Variants in SLC66A2 observed in about 807,000 individuals in gnomAD.
SLC66A2 encodes the protein PQ loop repeat containing 1.
Under a neutral mutation model 25.5 loss-of-function variants are expected in SLC66A2, and 23 were observed. That is an observed-to-expected ratio of 0.90 (90% CI 0.65 to 1.28). The LOEUF (loss-of-function observed/expected upper bound fraction) is 1.28, where lower values mean the gene tolerates loss of function less well. Among genes scored for constraint, SLC66A2 ranks in the 50% most tolerant of loss-of-function variants. The probability of loss-of-function intolerance (pLI) is 0.00; values close to 1 mark genes in which losing one functional copy is unlikely to be tolerated. For synonymous variants in SLC66A2, 193 were observed against 166.5 expected, an observed-to-expected ratio of 1.16 and a Z score of -1.23; for missense variants, 396 against 373.1, an observed-to-expected ratio of 1.06 and a Z score of -0.51.
intron 2 of SLC66A2, 147 bp downstream of exon 2, chr18:79,950,577 G>A: frequency 4.3e-6 from 3 of 694,962 alleles, no homozygotes; most frequent in Non-Finnish European, 7.5e-6. Context: ...TGACTTGCCT[G>A]CAGCCACGTA....
Position 79,918,424 on chromosome 18 carries a change from G to C in SLC66A2, c.608+760C>G, listed in dbSNP as rs1984520361. Among the ~76,000 whole-genome samples, 1 of 148,830 alleles carries C rather than the reference G, an allele frequency of 6.7e-6. No individual in the cohort carries two copies. The highest frequency in any genetic ancestry group is 6.6e-5 in the Admixed American group (1 of 15,102). ...ATCCCCAGTGAGGAGCGGGCCCGGG[G>C]GGGGGTCCCCAGTGAGGAGCGGGCA... On this transcript the variant is annotated intron_variant, in intron 5 of 5. Transcript: ENST00000397778. This position sits in a 1 kb window ranked among gnomAD's most constrained non-coding sequence, Gnocchi z 4.0.
At chr18:79,908,283 GAGA>G (rs1206937250) in intron 5 of SLC66A2, among the ~76,000 whole-genome samples, 9 of 151,672 alleles carry the variant, frequency 5.9e-5, no homozygotes, top group Non-Finnish European at 8.8e-5. Context: ...CCTTTCATTC[GAGA>G]AGGTCTTTAT....
At position 79,918,422 on chromosome 18, in the gene SLC66A2, G is replaced by T. The variant is rs1169654144; in HGVS notation, c.608+762C>A. Among the ~76,000 whole-genome samples, 4 of 150,450 alleles carry T rather than the reference G, an allele frequency of 2.7e-5. No individual in the cohort carries two copies. Among genetic ancestry groups the T allele is most frequent in the Non-Finnish European group, 5.9e-5 (4 of 67,464 alleles). On this transcript the variant is annotated intron_variant, in intron 5 of 5. Coordinates refer to ENST00000397778, the MANE Select transcript of SLC66A2 (RefSeq NM_025078.5). The surrounding 1 kb of genome is among the most constrained non-coding windows in gnomAD (Gnocchi z 4.0). Reference sequence around the variant, plus strand: ...GGATCCCCAGTGAGGAGCGGGCCCGGGGGGGGGTCCCCAGTGAGGAGCGGG... The same window carrying T: ...GGATCCCCAGTGAGGAGCGGGCCCGTGGGGGGGTCCCCAGTGAGGAGCGGG...
chr18:79,925,929 G>C (rs1387445801), intron 4 of SLC66A2, among the ~76,000 whole-genome samples: 1 of 152,202 alleles, frequency 6.6e-6, no homozygotes, highest in African/African-American at 2.4e-5. Flanking sequence ...GGATGAGACA[G>C]GAGGTCGGCA....
At chr18:79,908,903 G>C (rs140045610) in intron 5 of SLC66A2, among the ~76,000 whole-genome samples, 1 of 152,226 alleles carries the variant, frequency 6.6e-6, no homozygotes, top group Admixed American at 6.5e-5. Context: ...TTCCAAGAAC[G>C]TTTGCTCTTA....
chr18:79,942,817 G>T (rs1408309132), intron 3 of SLC66A2, among the ~76,000 whole-genome samples: 1 of 152,254 alleles, frequency 6.6e-6, no homozygotes, highest in Non-Finnish European at 1.5e-5. Context: ...CTGCCCAGCT[G>T]TCAACACTGC....
At chr18:79,943,568 C>A in intron 2 of SLC66A2, 106 bp from the exon 3 acceptor site, 1 of 1,351,006 alleles carries the variant, frequency 7.4e-7, no homozygotes, top group Non-Finnish European at 1.0e-6. Context: ...CCCACCCACG[C>A]CGCCCCTCCC....
intron 5 of SLC66A2, among the ~76,000 whole-genome samples, chr18:79,906,244 T>G (rs983018457): frequency 6.6e-6 from 1 of 152,242 alleles, no homozygotes; most frequent in African/African-American, 2.4e-5. Context: ...TCATTTTTGT[T>G]GCTTGGTGTT....
intron 4 of SLC66A2, chr18:79,925,006 G>A (rs1207316791): frequency 6.6e-6 from 1 of 152,402 alleles, no homozygotes; most frequent in African/African-American, 2.4e-5. Context: ...TCAGTCAGGA[G>A]AAGTCGGCGG....
intron 3 of SLC66A2, chr18:79,935,174 C>T (rs1454226856): frequency 6.6e-6 from 1 of 152,230 alleles, no homozygotes; most frequent in Non-Finnish European, 1.5e-5. Flanking sequence ...GCTCAGTCCA[C>T]ACTGTTTCCC....
Position 79,904,097 on chromosome 18 carries a change from A to G in SLC66A2, c.695T>C (p.Val232Ala). 5 of 1,612,866 alleles carry G rather than the reference A, an allele frequency of 3.1e-6. No homozygotes were observed. Among genetic ancestry groups the G allele is most frequent in the Non-Finnish European group, 4.2e-6 (5 of 1,179,754 alleles). Residue 232 changes from valine (V) to alanine (A), a missense_variant, in exon 6 of 6, where the codon GTG becomes GCG. Coordinates refer to ENST00000397778, the MANE Select transcript of SLC66A2 (RefSeq NM_025078.5). The surrounding 1 kb of genome is among the most constrained non-coding windows in gnomAD (Gnocchi z 6.3). ...CACCAGCACCTGCAGCAGGCCGCAC[A>G]CGGAGAACTGCAGAGGGGCACCCTT... is the stretch of plus-strand genomic sequence containing the variant. ...LLKGAPLQFS[V>A]CGLLQVLVDL...
intron 4 of SLC66A2, among the ~76,000 whole-genome samples, chr18:79,922,704 G>A (rs916969628): frequency 7.9e-5 from 12 of 151,868 alleles, no homozygotes; most frequent in Admixed American, 7.2e-4. Flanking sequence ...CTGCCAAGAA[G>A]CCTGCAAGGC....
chr18:79,933,785 T>C (rs1986802722), intron 4 of SLC66A2, among the ~76,000 whole-genome samples, 184 bp downstream of exon 4: 2 of 152,134 alleles, frequency 1.3e-5, no homozygotes, highest in South Asian at 4.1e-4. Context: ...GACAGGCTTC[T>C]AGTAACTACT....
At chr18:79,912,354 G>A (rs1039561883) in intron 5 of SLC66A2, among the ~76,000 whole-genome samples, 1 of 150,770 alleles carries the variant, frequency 6.6e-6, no homozygotes, top group Non-Finnish European at 1.5e-5. Context: ...GCTGAAGAAC[G>A]AAGAACGAAG....
chr18:79,933,318 A>G (rs1018517425), intron 4 of SLC66A2, among the ~76,000 whole-genome samples: 2 of 152,256 alleles, frequency 1.3e-5, no homozygotes, highest in Admixed American at 1.3e-4. Context: ...TGGAAAATCC[A>G]TTAACTAACA....
chr18:79,903,987 T>C lies in SLC66A2; in HGVS notation c.805A>G (p.Lys269Glu). The change falls in exon 6 of 6, where the codon AAG becomes GAG. Residue 269 changes from lysine to glutamate, a missense_variant. Transcript: ENST00000397778. ...CGTCCTCCCCACTGTCAGAGGGCCTTGGTGCCAGTGGGGTGCACGGCGTGG... is the reference window on the plus strand; with the variant it reads ...CGTCCTCCCCACTGTCAGAGGGCCTCGGTGCCAGTGGGGTGCACGGCGTGG... ...APHAVHPTGT[K>E]AL The C allele has an allele frequency of 6.2e-7, 1 of 1,601,866 alleles. No individual in the cohort carries two copies. Among genetic ancestry groups the C allele is most frequent in the East Asian group, 2.3e-5 (1 of 44,442 alleles).
At chr18:79,912,126 G>GGGGGAGTGGGAGC (rs1983295384) in intron 5 of SLC66A2, among the ~76,000 whole-genome samples, 2 of 141,632 alleles carry the variant, frequency 1.4e-5, no homozygotes, top group Non-Finnish European at 3.1e-5. Flanking sequence ...CGGGAGCAGG[G>GGGGGAGTGGGAGC]AGGGAGTGGG....
In SLC66A2 at chr18:79,950,753, C is replaced by T. The variant is rs892944994; in HGVS notation, c.174G>A (p.Leu58=). 11 of 1,613,164 alleles carry T rather than the reference C, an allele frequency of 6.8e-6. No homozygotes were observed. Among genetic ancestry groups the T allele is most frequent in the Non-Finnish European group, 9.3e-6 (11 of 1,179,992 alleles). ...AGAGTATCCGCAAAATGTTGGCCACCAGCAGCACCAGGCACACGTAGGTGG... is the reference window on the plus strand; with the variant it reads ...AGAGTATCCGCAAAATGTTGGCCACTAGCAGCACCAGGCACACGTAGGTGG... ...GFSTYVCLVL[L]VANILRILFW... Residue 58 remains leucine, a synonymous_variant, in exon 2 of 6, where the codon CTG becomes CTA. Coordinates refer to ENST00000397778, the MANE Select transcript of SLC66A2 (RefSeq NM_025078.5).
intron 4 of SLC66A2, among the ~76,000 whole-genome samples, chr18:79,925,706 T>G (rs1484290263): frequency 6.6e-6 from 1 of 152,244 alleles, no homozygotes; most frequent in Non-Finnish European, 1.5e-5. Context: ...ACCAGGAGAC[T>G]GTCTCCTAAT....
Sources: gnomAD v4.1 joint callset for allele counts (sites outside exome capture counted in the v4.1 genomes callset) on GRCh38, gnomAD v4.1.1 for gene constraint, Gnocchi (gnomAD v3.1) non-coding constraint, MANE v1.5 for transcripts, NCBI Gene and HGNC (gene_info 2026-07-23, HGNC 2026-07-21) for gene names.